PPP1R12B: variants seen among roughly 807,000 people sequenced by gnomAD.
The protein encoded by PPP1R12B is myosin phosphatase target subunit 2.
A neutral mutation model predicts 126.1 loss-of-function variants in PPP1R12B; 76 were observed. The observed-to-expected ratio is 0.60, with a 90% confidence interval of 0.50 to 0.73. The LOEUF (loss-of-function observed/expected upper bound fraction) is 0.73, where lower values mean the gene tolerates loss of function less well. Ranked by LOEUF, PPP1R12B falls within the 30% of genes least tolerant of loss-of-function variation. PPP1R12B has a pLI of 0.00. For missense variants in PPP1R12B, 1,052 were observed against 1,205.1 expected (o/e 0.87, Z 1.88); for synonymous variants, 356 against 434.7 (o/e 0.82, Z 2.25).
chr1:202,422,586 C>T (rs990906949), intron 2 of PPP1R12B, 34 bp from the exon 3 acceptor site: 10 of 1,595,146 alleles, frequency 6.3e-6, no homozygotes, highest in African/African-American at 1.3e-5. Context: ...ATTAGATTGA[C>T]AGATAATATT....
At chr1:202,415,464 G>A (rs1667945423) in intron 1 of PPP1R12B, among the ~76,000 whole-genome samples, 1 of 152,170 alleles carries the variant, frequency 6.6e-6, no homozygotes, top group African/African-American at 2.4e-5. Flanking sequence ...TAAAGGAGGG[G>A]ATTAAAAGGC....
At chr1:202,480,158 A>G (rs1281677627) in intron 13 of PPP1R12B, among the ~76,000 whole-genome samples, 1 of 152,180 alleles carries the variant, frequency 6.6e-6, no homozygotes, top group Non-Finnish European at 1.5e-5. Flanking sequence ...AGAAGTAGAG[A>G]TTTTCACCAG....
intron 13 of PPP1R12B, among the ~76,000 whole-genome samples, chr1:202,485,377 A>T (rs140682615): frequency 4.0e-3 from 539 of 135,488 alleles, no homozygotes; most frequent in Middle Eastern, 7.9e-3. Context: ...TTCAGTTTCA[A>T]GATGGTGCTG....
rs772637734 is a variant in PPP1R12B, at chr1:202,440,736, C to T, written c.1489C>T (p.Leu497=). ...AGAAAACAAAAGCTATATTAGTTCACTAGCACCCCGGAAGCTCAACAGCAC... is the reference window on the plus strand; with the variant it reads ...AGAAAACAAAAGCTATATTAGTTCATTAGCACCCCGGAAGCTCAACAGCAC... ...ERENKSYISS[L]APRKLNSTSD... Residue 497 remains leucine, a synonymous_variant, in exon 11 of 24, where the codon CTA becomes TTA. Coordinates refer to ENST00000608999, the MANE Select transcript of PPP1R12B (RefSeq NM_002481.4). The T allele has an allele frequency of 1.7e-5, 27 of 1,613,908 alleles. No homozygotes were observed. The East Asian group carries it at 6.0e-4, about 36-fold the overall frequency.
intron 1 of PPP1R12B, among the ~76,000 whole-genome samples, chr1:202,374,585 G>A (rs940932988): frequency 7.9e-6 from 1 of 127,360 alleles, no homozygotes; most frequent in Non-Finnish European, 1.6e-5. Flanking sequence ...TGCAACCTCC[G>A]CCTCCCAGGT....
intron 13 of PPP1R12B, among the ~76,000 whole-genome samples, chr1:202,472,830 C>T (rs763583725): frequency 2.0e-5 from 3 of 152,194 alleles, no homozygotes; most frequent in African/African-American, 7.2e-5. Context: ...CACATGGTTT[C>T]TGTTGCAACT....
At chr1:202,525,615 T>C (rs1404334973) in intron 18 of PPP1R12B, among the ~76,000 whole-genome samples, 3 of 151,514 alleles carry the variant, frequency 2.0e-5, no homozygotes, top group Non-Finnish European at 4.4e-5. Flanking sequence ...TTTTTTTCTT[T>C]TTTTTTTTTT....
At position 202,387,844 on chromosome 1, in the gene PPP1R12B, G is replaced by A. The variant is rs1286657001; in HGVS notation, c.292-28943G>A. Among the ~76,000 whole-genome samples the A allele has an allele frequency of 5.3e-5, 8 of 152,126 alleles. No homozygotes were observed. In the East Asian group the frequency reaches 1.3e-3, roughly 26 times the overall value. On this transcript the variant is annotated intron_variant, in intron 1 of 23. Coordinates refer to ENST00000608999, the MANE Select transcript of PPP1R12B (RefSeq NM_002481.4). ...GAATAGCAGATTTGGGAAGATAGGA[G>A]TGTTGTCACTTTACCTTTAAAGCAA...
At chr1:202,472,037 G>C (rs1446669827) in intron 13 of PPP1R12B, 1 of 1,594,084 alleles carries the variant, frequency 6.3e-7, no homozygotes, top group Non-Finnish European at 8.5e-7. Flanking sequence ...AGGAATTGGG[G>C]CTCTGCACCA....
rs1340563341 is a variant in PPP1R12B at position 202,496,950 on chromosome 1, C to T, written c.2490+128C>T. On this transcript the variant is annotated intron_variant, in intron 18 of 23. Coordinates refer to ENST00000608999, the MANE Select transcript of PPP1R12B (RefSeq NM_002481.4). ...AGAAGGAGTTTGGAGATAGACATTC[C>T]TCTAAGAGATGGGGCAGGTGTTAGT... is the stretch of plus-strand genomic sequence containing the variant. The T allele has an allele frequency of 5.6e-6, 5 of 897,020 alleles. No individual in the cohort carries two copies. In the East Asian group the frequency reaches 1.3e-4, roughly 23 times the overall value. 55.6% of individuals were successfully genotyped at this position (897,020 alleles called of 1,614,324 possible). A position where few individuals can be genotyped will look rare whatever the true frequency, so the allele number is the denominator to read the frequency against.
chr1:202,521,326 CA>C (rs1682765729), intron 18 of PPP1R12B, among the ~76,000 whole-genome samples: 1 of 152,042 alleles, frequency 6.6e-6, no homozygotes, highest in Non-Finnish European at 1.5e-5. Context: ...CAAAACATTA[CA>C]AAGAACCCAG....
intron 23 of PPP1R12B, among the ~76,000 whole-genome samples, chr1:202,573,704 T>A (rs891851736): frequency 2.0e-5 from 3 of 152,124 alleles, no homozygotes; most frequent in Non-Finnish European, 4.4e-5. Context: ...ATTATTAAAG[T>A]CTTTAAATGT....
chr1:202,415,984 C>T (rs1231406774), intron 1 of PPP1R12B, among the ~76,000 whole-genome samples: 3 of 152,176 alleles, frequency 2.0e-5, no homozygotes, highest in East Asian at 3.9e-4. Context: ...ATAATAGAGA[C>T]AGGGTCTCAC....
chr1:202,549,347 C>G (rs1285027616), intron 18 of PPP1R12B, among the ~76,000 whole-genome samples: 3 of 152,070 alleles, frequency 2.0e-5, no homozygotes, highest in African/African-American at 7.2e-5. Context: ...TGGTCTCTCC[C>G]TTTCCTAACT....
At chr1:202,392,978 C>T (rs1465932581) in intron 1 of PPP1R12B, among the ~76,000 whole-genome samples, 4 of 152,120 alleles carry the variant, frequency 2.6e-5, no homozygotes, top group Non-Finnish European at 1.5e-5. Flanking sequence ...CAGGATCTCT[C>T]TCTATTGCCC....
At chr1:202,385,968 C>CT (rs1663056930) in intron 1 of PPP1R12B, among the ~76,000 whole-genome samples, 1 of 151,412 alleles carries the variant, frequency 6.6e-6, no homozygotes, top group African/African-American at 2.4e-5. Flanking sequence ...GAGTCTTGCT[C>CT]TGTCACCCAG....
intron 1 of PPP1R12B, among the ~76,000 whole-genome samples, chr1:202,402,321 A>G (rs1348669185): frequency 1.3e-5 from 2 of 152,144 alleles, no homozygotes; most frequent in African/African-American, 4.8e-5. Context: ...CTAGTCGGGG[A>G]GAGTGGAATC....
chr1:202,548,806 C>CTATATA (rs1378767072), intron 18 of PPP1R12B, among the ~76,000 whole-genome samples: 132 of 76,390 alleles, frequency 1.7e-3, no homozygotes, highest in Admixed American at 2.7e-3. Flanking sequence ...CTCTCTCTCT[C>CTATATA]TCTATATATA....
chr1:202,536,757 A>G (rs1287493783), intron 18 of PPP1R12B, among the ~76,000 whole-genome samples: 2 of 151,992 alleles, frequency 1.3e-5, no homozygotes, highest in Non-Finnish European at 1.5e-5. Context: ...TTCTTAATCT[A>G]TAAGCTTTTA....
Sources: gnomAD v4.1 joint callset for allele counts (sites outside exome capture counted in the v4.1 genomes callset) on GRCh38, gnomAD v4.1.1 for gene constraint, MANE v1.5 for transcripts, NCBI Gene and HGNC (gene_info 2026-07-23, HGNC 2026-07-21) for gene names.